HELZ: variants seen among roughly 807,000 people sequenced by gnomAD.
HELZ encodes helicase with zinc finger.
Under a neutral mutation model 218.2 loss-of-function variants are expected in HELZ, and 23 were observed. That is an observed-to-expected ratio of 0.11 (90% CI 0.08 to 0.15). The LOEUF is 0.15. Among genes scored for constraint, HELZ ranks in the 10% least tolerant of loss-of-function variants. The pLI is 1.00. For missense variants in HELZ, 1,813 were observed against 2,353.7 expected (o/e 0.77, Z 4.75); for synonymous variants, 814 against 829.4 (o/e 0.98, Z 0.32).
At position 67,148,612 on chromosome 17, in the gene HELZ, T is replaced by C. The variant is rs2038582128; in HGVS notation, c.2578A>G (p.Ile860Val). Residue 860 changes from isoleucine to valine, a missense_variant, in exon 20 of 33, where the codon ATT becomes GTT. This residue lies in a region of HELZ where 714 missense variants were observed against 1,029.2 expected (regional missense o/e 0.69). Transcript: ENST00000358691. ...EHYPAEFPCR[I>V]LLCENYRSHE... is the part of the protein sequence containing the mutation. ...GAGCGGTAGTTCTCACACAGGAGAA[T>C]CCTACATGGGAACTCAGCAGGGTAA... The C allele has an allele frequency of 6.2e-7, 1 of 1,613,672 alleles. No homozygotes were observed. The highest frequency in any genetic ancestry group is 1.6e-4 in the Middle Eastern group (1 of 6,084).
chr17:67,107,405 G>C lies in HELZ; in HGVS notation c.5005C>G (p.Leu1669Val), dbSNP rs2037138398. The part of the protein sequence containing the change: ...NSPFSLPSEH[L>V]APPPLKYLAP... ...AGGTATTTCAAGGGAGGAGGGGCAA[G>C]GTGTTCAGATGGCAACGAGAAAGGT... The change falls in exon 31 of 33, where the codon CTT becomes GTT. Residue 1669 changes from leucine (L) to valine (V), a missense_variant. Leu to Val is a conservative substitution (Grantham distance 32, BLOSUM62 1). Coordinates refer to ENST00000358691, the MANE Select transcript of HELZ (RefSeq NM_014877.4). The C allele has an allele frequency of 6.2e-7, 1 of 1,614,082 alleles. No homozygotes were observed. Among genetic ancestry groups the C allele is most frequent in the Admixed American group, 1.7e-5 (1 of 60,012 alleles).
rs746406884 is a variant in HELZ at position 67,188,652 on chromosome 17, G to A, written c.865-36C>T. 3.2e-6 allele frequency: 5 copies of A among 1,547,512 alleles called. No homozygotes were observed. The African/African-American group carries it at 5.5e-5, about 17-fold the overall frequency. On this transcript the variant is annotated intron_variant, in intron 11 of 32. Coordinates refer to ENST00000358691, the MANE Select transcript of HELZ (RefSeq NM_014877.4). The surrounding 1 kb of genome is among the most constrained non-coding windows in gnomAD (Gnocchi z 4.1). ...GTTAAAATAATTCATTGAGTACAAG[G>A]GGGTGAAAAATCCAATTGTAATTGG...
At chr17:67,210,962 A>AT (rs1339349939) in intron 5 of HELZ, among the ~76,000 whole-genome samples, 1 of 152,242 alleles carries the variant, frequency 6.6e-6, no homozygotes, top group East Asian at 1.9e-4. Flanking sequence ...AAAGGCAAAA[A>AT]TAGAACCATT....
chr17:67,082,861 T>G (rs866021653), intron 32 of HELZ, among the ~76,000 whole-genome samples: 6,405 of 129,818 alleles, frequency 0.049, 118 homozygotes, highest in African/African-American at 0.16. Context: ...TTTTTTTTTG[T>G]TTTTTTTTTT....
intron 3 of HELZ, among the ~76,000 whole-genome samples, chr17:67,227,299 T>C (rs556843769): frequency 6.6e-5 from 10 of 152,078 alleles, no homozygotes; most frequent in African/African-American, 2.2e-4. Context: ...TTCAAGCAAT[T>C]TTCCTGCCTC....
rs1337799862 is a variant in HELZ, at chr17:67,184,804, A to G, written c.1162+3515T>C. 2.0e-5 allele frequency among the ~76,000 whole-genome samples: 3 copies of G among 149,414 alleles called. No homozygotes were observed. In the Admixed American group the frequency reaches 2.0e-4, roughly 10 times the overall value. ...GCACTCCAGCCTGGGCAACAGAGCAAGACTCTGTCTCTAAACAAATAAATA... is the reference window on the plus strand; with the variant it reads ...GCACTCCAGCCTGGGCAACAGAGCAGGACTCTGTCTCTAAACAAATAAATA... On this transcript the variant is annotated intron_variant, in intron 12 of 32. Transcript: ENST00000358691.
chr17:67,174,066 AAAAC>A (rs2039385125), intron 13 of HELZ, among the ~76,000 whole-genome samples: 1 of 152,236 alleles, frequency 6.6e-6, no homozygotes, highest in African/African-American at 2.4e-5. Flanking sequence ...TAAGAGAAGT[AAAAC>A]AAATCTCAAA....
At chr17:67,184,390 G>GA (rs747761035) in intron 12 of HELZ, among the ~76,000 whole-genome samples, 6 of 152,132 alleles carry the variant, frequency 3.9e-5, no homozygotes, top group Non-Finnish European at 7.3e-5. Context: ...TTATGCAAGA[G>GA]AAATACGGTT....
Position 67,196,048 on chromosome 17 carries a change from C to T in HELZ, c.430-578G>A, listed in dbSNP as rs143654694. Reference sequence around the variant, plus strand: ...TATATTTTTAGTAGAGATGGGGTTTCACCATGTTGGCCAGGCTGGTCTCCA... The same window carrying T: ...TATATTTTTAGTAGAGATGGGGTTTTACCATGTTGGCCAGGCTGGTCTCCA... On this transcript the variant is annotated intron_variant, in intron 7 of 32. Coordinates refer to ENST00000358691, the MANE Select transcript of HELZ (RefSeq NM_014877.4). Among the ~76,000 whole-genome samples the T allele has an allele frequency of 3.9e-3, 591 of 152,020 alleles. 5 individuals are homozygous for T. Among genetic ancestry groups the T allele is most frequent in the African/African-American group, 0.014 (561 of 41,470 alleles).
At position 67,076,608 on chromosome 17, in the gene HELZ, C is replaced by G. The variant is rs1308218212; in HGVS notation, c.*1644G>C. The G allele has an allele frequency of 6.6e-6, 1 of 152,218 alleles. No homozygotes were observed. The highest frequency in any genetic ancestry group is 1.5e-5 in the Non-Finnish European group (1 of 68,034). 9.4% of individuals were successfully genotyped at this position (152,218 alleles called of 1,614,324 possible). ...ATCCTGGAGCTTGCTAACCATTAAC[C>G]AAAGGCACTCTTTTATCCCAAACTG... On this transcript the variant is annotated 3_prime_UTR_variant, in exon 33 of 33. Transcript: ENST00000358691.
intron 28 of HELZ, among the ~76,000 whole-genome samples, chr17:67,114,027 C>T (rs1017080720): frequency 3.9e-5 from 6 of 152,206 alleles, no homozygotes; most frequent in Non-Finnish European, 8.8e-5. Context: ...GATAATGACA[C>T]ACTTGTAATG....
chr17:67,191,136 AAC>A (rs2144296714), intron 9 of HELZ, among the ~76,000 whole-genome samples: 1 of 152,358 alleles, frequency 6.6e-6, no homozygotes, highest in South Asian at 2.1e-4. Context: ...ATTCTGAAAA[AAC>A]AGTTAACATA....
intron 31 of HELZ, among the ~76,000 whole-genome samples, 194 bp downstream of exon 31, chr17:67,106,975 T>C (rs1358833645): frequency 6.6e-6 from 1 of 152,178 alleles, no homozygotes; most frequent in African/African-American, 2.4e-5. Flanking sequence ...GGGCTTCATG[T>C]TTCAACAAAA....
rs376515239 is a variant in HELZ at position 67,107,635 on chromosome 17, C to T, written c.4775G>A (p.Arg1592Gln). ...AGGTGGTGGCATTTCAGCTAGTTCC[C>T]GTGTTTCACTTTGATCACGATGAGA... is the stretch of plus-strand genomic sequence containing the variant. ...ELSHRDQSET[R>Q]ELAEMPPPQS... The change falls in exon 31 of 33, where the codon CGG (arginine) becomes CAG (glutamine). Residue 1592 changes from arginine (R) to glutamine (Q), a missense_variant. This residue lies in a region of HELZ where 938 missense variants were observed against 1,027.5 expected (regional missense o/e 0.91). Coordinates refer to ENST00000358691, the MANE Select transcript of HELZ (RefSeq NM_014877.4). 2.5e-6 allele frequency: 4 copies of T among 1,613,980 alleles called. No homozygotes were observed. The highest frequency in any genetic ancestry group is 3.4e-6 in the Non-Finnish European group (4 of 1,179,990).
At chr17:67,092,039 G>A (rs1234368769) in intron 31 of HELZ, among the ~76,000 whole-genome samples, 2 of 152,158 alleles carry the variant, frequency 1.3e-5, no homozygotes, top group South Asian at 2.1e-4. Flanking sequence ...GCCAGATAAC[G>A]TGTGATGAAT....
chr17:67,107,194 G>A lies in HELZ; in HGVS notation c.5216C>T (p.Ser1739Phe). 1.2e-6 allele frequency: 2 copies of A among 1,614,022 alleles called. No homozygotes were observed. Among genetic ancestry groups the A allele is most frequent in the Non-Finnish European group, 1.7e-6 (2 of 1,179,922 alleles). The change falls in exon 31 of 33, where the codon TCT becomes TTT. Residue 1739 changes from serine (S) to phenylalanine (F), a missense_variant. By Grantham distance (155) the Ser-to-Phe change is radical (BLOSUM62 -2). Around this residue, in one of 4 missense-constraint regions of HELZ, gnomAD observed 938 missense variants for 1,027.5 expected, o/e 0.91. Coordinates refer to ENST00000358691, the MANE Select transcript of HELZ (RefSeq NM_014877.4). ...FHPLSSRTVS[S>F]SSLPSLEEYE... is the part of the protein sequence containing the mutation. ...CTCTTCTAAGCTAGGGAGCGAAGAA[G>A]AAGATACTGTTCGAGATGACAATGG...
chr17:67,094,549 G>T (rs141297757), intron 31 of HELZ, among the ~76,000 whole-genome samples: 2 of 151,964 alleles, frequency 1.3e-5, no homozygotes, highest in Non-Finnish European at 2.9e-5. Context: ...TAAATTTTTT[G>T]GTTTTCCAGT....
At chr17:67,087,325 T>C (rs1371969593) in intron 31 of HELZ, among the ~76,000 whole-genome samples, 1 of 152,232 alleles carries the variant, frequency 6.6e-6, no homozygotes, top group African/African-American at 2.4e-5. Context: ...CCTCACTGCA[T>C]AGTCCTGACA....
rs919523477 is a variant in HELZ, at chr17:67,074,842, T to C, written c.*3410A>G. 6.6e-6 allele frequency: 1 copy of C among 151,924 alleles called. No individual in the cohort carries two copies. The highest frequency in any genetic ancestry group is 2.4e-5 in the African/African-American group (1 of 41,342). 9.4% of individuals were successfully genotyped at this position (151,924 alleles called of 1,614,324 possible). On this transcript the variant is annotated 3_prime_UTR_variant, in exon 33 of 33. Transcript: ENST00000358691. ...GATGTTTACATTAAACCTAAACTTATTCTAAAATCTGATGATTTAAAAAAA... is the reference window on the plus strand; with the variant it reads ...GATGTTTACATTAAACCTAAACTTACTCTAAAATCTGATGATTTAAAAAAA...
Sources: gnomAD v4.1 joint callset for allele counts (sites outside exome capture counted in the v4.1 genomes callset) on GRCh38, gnomAD v4.1.1 for gene constraint, gnomAD v4.1.1 regional missense constraint, Gnocchi (gnomAD v3.1) non-coding constraint, MANE v1.5 for transcripts, NCBI Gene and HGNC (gene_info 2026-07-23, HGNC 2026-07-21) for gene names.